Variants in LNPEP observed in about 807,000 individuals in gnomAD.
LNPEP encodes leucyl-cystinyl aminopeptidase.
In LNPEP, 64 loss-of-function variants were observed where a neutral mutation model predicts 120.6. That is an observed-to-expected ratio of 0.53 (90% CI 0.43 to 0.65). The LOEUF is 0.65. Among genes scored for constraint, LNPEP ranks in the 30% least tolerant of loss-of-function variants. The pLI is 0.00. For synonymous variants in LNPEP, 435 were observed against 425.4 expected (o/e 1.02, Z -0.28); for missense variants, 1,057 against 1,200.0 (o/e 0.88, Z 1.76).
rs1790069261 is a variant in LNPEP at position 96,979,287 on chromosome 5, G to A, written c.169G>A (p.Gly57Ser). The A allele has an allele frequency of 6.2e-7, 1 of 1,613,892 alleles. No individual in the cohort carries two copies. The highest frequency in any genetic ancestry group is 1.7e-5 in the Admixed American group (1 of 59,982). ...CCGGGGTTCCCGACTGCTGGTGCGGGGTCTTGGTGAGCATGAGATGGAGGA... is the reference window on the plus strand; with the variant it reads ...CCGGGGTTCCCGACTGCTGGTGCGGAGTCTTGGTGAGCATGAGATGGAGGA... ...EPRGSRLLVR[G>S]LGEHEMEEDE... Residue 57 changes from glycine to serine, a missense_variant, in exon 2 of 18, where the codon GGT becomes AGT. Transcript: ENST00000231368.
At chr5:96,963,520 C>T (rs1314476230) in intron 1 of LNPEP, among the ~76,000 whole-genome samples, 2 of 152,098 alleles carry the variant, frequency 1.3e-5, no homozygotes, top group African/African-American at 2.4e-5. Flanking sequence ...TGTGGTTCCT[C>T]GTCCCCAGGG....
chr5:96,953,766 GCAAA>G (rs1789377840), intron 1 of LNPEP, among the ~76,000 whole-genome samples: 1 of 152,102 alleles, frequency 6.6e-6, no homozygotes, highest in African/African-American at 2.4e-5. Context: ...TTTCTAAGAA[GCAAA>G]CAAATCTATG....
intron 11 of LNPEP, 37 bp downstream of exon 11, chr5:97,006,552 T>G (rs1050789500): frequency 9.0e-7 from 1 of 1,112,520 alleles, no homozygotes. Context: ...GGAAATGGCA[T>G]AATTTTAAAA....
At chr5:96,986,748 A>G in intron 4 of LNPEP, 78 bp downstream of exon 4, 1 of 1,292,640 alleles carries the variant, frequency 7.7e-7, no homozygotes, top group Non-Finnish European at 1.1e-6. Context: ...GATTCCTGGT[A>G]TTTGCTGTGT....
intron 3 of LNPEP, 147 bp from the exon 4 acceptor site, chr5:96,986,392 G>C (rs1790244451): frequency 1.4e-6 from 1 of 715,158 alleles, no homozygotes; most frequent in Non-Finnish European, 2.3e-6. Flanking sequence ...TAGGAGCCAT[G>C]CTCTTTGCAG....
Position 97,008,337 on chromosome 5 carries a change from G to GTTTTTTTTTTTTT in LNPEP, c.2035+1841_2035+1853dup, listed in dbSNP as rs781727347. On this transcript the variant is annotated intron_variant, in intron 11 of 17. Coordinates refer to ENST00000231368, the MANE Select transcript of LNPEP (RefSeq NM_005575.3). ...TTGATTTTTTTGTTTGTTTTTTCTTGTTTTTTTTTTTTTTTTTTTTTTTTT... is the reference window on the plus strand; with the variant it reads ...TTGATTTTTTTGTTTGTTTTTTCTTGTTTTTTTTTTTTTTTTTTTTTTTTTTTTTTTTTTTTTT... 6.9e-4 allele frequency among the ~76,000 whole-genome samples: 41 copies of GTTTTTTTTTTTTT among 59,840 alleles called. 6 individuals carry two copies. Among genetic ancestry groups the GTTTTTTTTTTTTT allele is most frequent in the Middle Eastern group, 0.015 (1 of 66 alleles). The allele number at this position is 59,840 out of a possible 152,430, so 39.3% of individuals were successfully genotyped here.
intron 1 of LNPEP, among the ~76,000 whole-genome samples, chr5:96,949,779 T>G (rs1789281189): frequency 6.6e-6 from 1 of 152,214 alleles, no homozygotes; most frequent in African/African-American, 2.4e-5. Flanking sequence ...TAACATAGTG[T>G]TTTGTTGCAC....
At chr5:96,956,628 G>A (rs144851292) in intron 1 of LNPEP, among the ~76,000 whole-genome samples, 204 of 152,210 alleles carry the variant, frequency 1.3e-3, no homozygotes, top group African/African-American at 4.8e-3. Context: ...TTTGTGTCTT[G>A]GTTTTCTATG....
chr5:97,026,467 A>T (rs1162465158), intron 15 of LNPEP, 150 bp from the exon 16 acceptor site: 1 of 515,098 alleles, frequency 1.9e-6, no homozygotes, highest in Non-Finnish European at 3.3e-6. Context: ...GACATTTTCA[A>T]TCTATAGATC....
chr5:96,989,665 C>T (rs932645041), intron 4 of LNPEP, among the ~76,000 whole-genome samples: 1 of 151,774 alleles, frequency 6.6e-6, no homozygotes, highest in African/African-American at 2.4e-5. Context: ...CTTACCAAGT[C>T]CAGAATGCTG....
rs1395717467 is a variant in LNPEP, at chr5:96,998,014, T to C, written c.1522T>C (p.Tyr508His). The C allele has an allele frequency of 3.2e-6, 5 of 1,554,788 alleles. No individual in the cohort carries two copies. The highest frequency in any genetic ancestry group is 4.4e-6 in the Non-Finnish European group (5 of 1,139,876). The change falls in exon 8 of 18, where the codon TAT becomes CAT. Residue 508 changes from tyrosine to histidine, a missense_variant and splice_region_variant. By Grantham distance (83) the Tyr-to-His change is moderately conservative (BLOSUM62 2). Coordinates refer to ENST00000231368, the MANE Select transcript of LNPEP (RefSeq NM_005575.3). The stretch of plus-strand genomic sequence containing the variant: ...TTCTAATCTTTTCATTTTTTGACAG[T>C]ATGAAGATTTCTTAGATGCTCGATT... ...LEKIFKELSSYEDFLDARFKT... is the reference protein window; with the variant it reads ...LEKIFKELSSHEDFLDARFKT...
intron 11 of LNPEP, 106 bp from the exon 12 acceptor site, chr5:97,013,542 A>G (rs546490503): frequency 3.4e-5 from 19 of 553,216 alleles, no homozygotes; most frequent in Middle Eastern, 4.9e-4. Flanking sequence ...TTTTCTTACT[A>G]GAATGATTAA....
Position 97,028,742 on chromosome 5 carries a change from A to G in LNPEP, c.*209A>G. ...GTATGTAGTTATTTATTACAAAATTATATTCACCTAAATGCCAACCATCTA... is the reference window on the plus strand; with the variant it reads ...GTATGTAGTTATTTATTACAAAATTGTATTCACCTAAATGCCAACCATCTA... On this transcript the variant is annotated 3_prime_UTR_variant, in exon 18 of 18. Coordinates refer to ENST00000231368, the MANE Select transcript of LNPEP (RefSeq NM_005575.3). The G allele has an allele frequency of 2.2e-6, 1 of 447,478 alleles. No homozygotes were observed. The highest frequency in any genetic ancestry group is 2.0e-5 in the African/African-American group (1 of 49,820). The allele number at this position is 447,478 out of a possible 1,614,324, so 27.7% of individuals were successfully genotyped here. A position where few individuals can be genotyped will look rare whatever the true frequency, so the allele number is the denominator to read the frequency against.
Position 97,033,726 on chromosome 5 carries a change from C to T in LNPEP, c.*5193C>T, listed in dbSNP as rs1791516578. The T allele has an allele frequency of 6.6e-6, 1 of 152,098 alleles. No homozygotes were observed. The highest frequency in any genetic ancestry group is 1.5e-5 in the Non-Finnish European group (1 of 68,016). 9.4% of individuals were successfully genotyped at this position (152,098 alleles called of 1,614,324 possible). A position where few individuals can be genotyped will look rare whatever the true frequency, so the allele number is the denominator to read the frequency against. ...GTCTAAGAGAGTAGTTGATTAGCTTCAGGGATTCTTTGGTGGGTGTTGGGG... is the reference window on the plus strand; with the variant it reads ...GTCTAAGAGAGTAGTTGATTAGCTTTAGGGATTCTTTGGTGGGTGTTGGGG... On this transcript the variant is annotated 3_prime_UTR_variant, in exon 18 of 18. Transcript: ENST00000231368.
chr5:97,009,362 A>G (rs1174985032), intron 11 of LNPEP, among the ~76,000 whole-genome samples: 6 of 90,648 alleles, frequency 6.6e-5, no homozygotes, highest in Admixed American at 2.4e-4. Flanking sequence ...CATATTAGGT[A>G]TTTCCCCCAT....
rs952221952 is a variant in LNPEP, at chr5:97,030,164, T to TA, written c.*1638dup. 23 of 152,000 alleles carry TA rather than the reference T, an allele frequency of 1.5e-4. No individual in the cohort carries two copies. The East Asian group carries it at 2.7e-3, about 18-fold the overall frequency. The allele number at this position is 152,000 out of a possible 1,614,324, so 9.4% of individuals were successfully genotyped here. The stretch of plus-strand genomic sequence containing the variant: ...AATAAAATTTAAAAGGCTGGTAAGC[T>TA]AAAAAAATAGTCTTCTTTAATCCTA... On this transcript the variant is annotated 3_prime_UTR_variant, in exon 18 of 18. Transcript: ENST00000231368.
At chr5:96,960,228 G>A (rs973838956) in intron 1 of LNPEP, among the ~76,000 whole-genome samples, 6 of 152,048 alleles carry the variant, frequency 3.9e-5, no homozygotes, top group Non-Finnish European at 4.4e-5. Context: ...GTGAGCCACC[G>A]TGCCTGGCCA....
chr5:96,971,039 A>G (rs1789847928), intron 1 of LNPEP, among the ~76,000 whole-genome samples: 1 of 152,056 alleles, frequency 6.6e-6, no homozygotes, highest in Admixed American at 6.6e-5. Flanking sequence ...CTTGTAGTAT[A>G]CATCTACTTG....
intron 13 of LNPEP, among the ~76,000 whole-genome samples, chr5:97,017,162 A>G (rs1791086918): frequency 6.6e-6 from 1 of 152,084 alleles, no homozygotes; most frequent in African/African-American, 2.4e-5. Flanking sequence ...AATCTTTTTT[A>G]TTTTAGCCAT....
Sources: allele counts gnomAD v4.1 joint callset (sites outside exome capture counted in the v4.1 genomes callset), GRCh38; gene constraint gnomAD v4.1.1; transcripts MANE v1.5; gene names NCBI Gene and HGNC (gene_info 2026-07-23, HGNC 2026-07-21).